The following RGS22 variants were observed in gnomAD, a reference collection of about 807,000 sequenced individuals.
RGS22 encodes the protein regulator of G protein signaling 22, also known as regulator of G-protein signaling 22.
In RGS22, 148 loss-of-function variants were observed where a neutral mutation model predicts 172.9. The observed-to-expected ratio is 0.86, with a 90% confidence interval of 0.75 to 0.98. The LOEUF (loss-of-function observed/expected upper bound fraction) is 0.98, where lower values mean the gene tolerates loss of function less well. Among genes scored for constraint, RGS22 ranks in the 50% least tolerant of loss-of-function variants. The pLI is 0.00. For missense variants in RGS22, 1,347 were observed against 1,440.8 expected (o/e 0.93, Z 1.05); for synonymous variants, 458 against 480.2 (o/e 0.95, Z 0.60).
In RGS22 at chr8:100,037,914, T is replaced by G. The variant is rs113523573; in HGVS notation, c.2166+1017A>C. On this transcript the variant is annotated intron_variant, in intron 14 of 27. Coordinates refer to ENST00000360863, the MANE Select transcript of RGS22 (RefSeq NM_015668.5). ...GCTATGTAGGGGCTGAAGCCCTTAA[T>G]CTCACAGTAAAAAGTACAAAGCTCT... 4.6e-5 allele frequency among the ~76,000 whole-genome samples: 7 copies of G among 152,262 alleles called. 1 individual carries two copies. The highest frequency in any genetic ancestry group is 1.7e-4 in the African/African-American group (7 of 41,560).
chr8:99,989,919 TAGAC>T (rs1257207603), intron 20 of RGS22, among the ~76,000 whole-genome samples: 24 of 151,846 alleles, frequency 1.6e-4, no homozygotes, highest in Admixed American at 1.1e-3. Flanking sequence ...GATAGATAGA[TAGAC>T]AGATAGACAG....
intron 9 of RGS22, among the ~76,000 whole-genome samples, chr8:100,061,069 A>AATTCCCTATT (rs1184954110): frequency 1.3e-5 from 2 of 152,160 alleles, no homozygotes; most frequent in Non-Finnish European, 2.9e-5. Flanking sequence ...ATGGGGAAAG[A>AATTCCCTATT]ATTCCCTATT....
intron 21 of RGS22, among the ~76,000 whole-genome samples, chr8:99,985,986 C>A (rs1267996450): frequency 3.3e-5 from 5 of 151,996 alleles, no homozygotes; most frequent in Non-Finnish European, 7.4e-5. Context: ...TTTAATATTG[C>A]TCATGTGAAA....
At position 99,960,960 on chromosome 8, in the gene RGS22, T is replaced by C. The variant is rs1387276978; in HGVS notation, c.*282A>G. The C allele has an allele frequency of 3.2e-5, 7 of 219,772 alleles. No homozygotes were observed. The highest frequency in any genetic ancestry group is 6.4e-5 in the Non-Finnish European group (7 of 108,744). The allele number at this position is 219,772 out of a possible 1,614,324, so 13.6% of individuals were successfully genotyped here. On this transcript the variant is annotated 3_prime_UTR_variant, in exon 28 of 28. Coordinates refer to ENST00000360863, the MANE Select transcript of RGS22 (RefSeq NM_015668.5). ...ATTTTGGTTCTTCAAACCTAGATAGTAGTTGTTTTATTCTAAATAAGTTAA... is the reference window on the plus strand; with the variant it reads ...ATTTTGGTTCTTCAAACCTAGATAGCAGTTGTTTTATTCTAAATAAGTTAA...
Position 100,020,525 on chromosome 8 carries a change from C to A in RGS22, c.2167-11956G>T, listed in dbSNP as rs146922981. 3.3e-3 allele frequency among the ~76,000 whole-genome samples: 507 copies of A among 152,248 alleles called. 8 individuals carry two copies. The highest frequency in any genetic ancestry group is 3.1e-3 in the East Asian group (16 of 5,166). On this transcript the variant is annotated intron_variant, in intron 14 of 27. Coordinates refer to ENST00000360863, the MANE Select transcript of RGS22 (RefSeq NM_015668.5). ...TTTTTTAAAGGTGAAGAGTCAGGATCTCCAGCTGTAACATTAGAGAAAAAA... is the reference window on the plus strand; with the variant it reads ...TTTTTTAAAGGTGAAGAGTCAGGATATCCAGCTGTAACATTAGAGAAAAAA...
chr8:100,051,181 G>A (rs1821238427), intron 10 of RGS22, among the ~76,000 whole-genome samples: 1 of 151,498 alleles, frequency 6.6e-6, no homozygotes, highest in Non-Finnish European at 1.5e-5. Flanking sequence ...CAAACAGCAA[G>A]CACAAAGCCC....
chr8:100,039,454 C>T (rs1482195740), intron 13 of RGS22, among the ~76,000 whole-genome samples: 6 of 151,502 alleles, frequency 4.0e-5, no homozygotes, highest in South Asian at 2.1e-4. Context: ...CTCGGCTCAC[C>T]GCAACCTCTG....
intron 20 of RGS22, among the ~76,000 whole-genome samples, chr8:99,992,761 CA>C (rs1192363375): frequency 2.0e-5 from 3 of 152,158 alleles, no homozygotes; most frequent in African/African-American, 7.2e-5. Context: ...CTGCAACAAG[CA>C]GACCTAATAG....
chr8:100,028,882 C>T (rs1818465433), intron 14 of RGS22, among the ~76,000 whole-genome samples: 1 of 152,160 alleles, frequency 6.6e-6, no homozygotes, highest in Non-Finnish European at 1.5e-5. Context: ...GTGGCTGCTT[C>T]TAATCAAGAG....
At chr8:100,023,192 G>A (rs1817806829) in intron 14 of RGS22, among the ~76,000 whole-genome samples, 1 of 152,164 alleles carries the variant, frequency 6.6e-6, no homozygotes, top group South Asian at 2.1e-4. Context: ...GTAGGTCTAT[G>A]TTTACCAGCA....
At chr8:100,033,813 C>T (rs1328832924) in intron 14 of RGS22, among the ~76,000 whole-genome samples, 1 of 152,130 alleles carries the variant, frequency 6.6e-6, no homozygotes, top group Non-Finnish European at 1.5e-5. Context: ...GTTCAACACA[C>T]ACAAATCAAT....
At chr8:100,049,218 T>C (rs1173035571) in intron 10 of RGS22, among the ~76,000 whole-genome samples, 1 of 152,154 alleles carries the variant, frequency 6.6e-6, no homozygotes, top group Non-Finnish European at 1.5e-5. Flanking sequence ...AGCATGAGTG[T>C]GATGGTGGAT....
At chr8:99,982,463 G>A (rs952000118) in intron 21 of RGS22, among the ~76,000 whole-genome samples, 2 of 152,178 alleles carry the variant, frequency 1.3e-5, no homozygotes, top group African/African-American at 2.4e-5. Flanking sequence ...TCAAGACACA[G>A]GCCCTACCCT....
At chr8:100,008,318 G>C in intron 15 of RGS22, 57 bp downstream of exon 15, 1 of 1,501,786 alleles carries the variant, frequency 6.7e-7, no homozygotes, top group Non-Finnish European at 9.1e-7. Context: ...GATAACAGGC[G>C]TCAGTATTGT....
intron 3 of RGS22, among the ~76,000 whole-genome samples, chr8:100,081,362 G>GTA (rs71274952): frequency 0.03 from 4,248 of 143,410 alleles, 165 homozygotes; most frequent in African/African-American, 0.086. Flanking sequence ...GTGCGTGTAT[G>GTA]TATATATATA....
chr8:99,999,468 A>G, intron 18 of RGS22, 48 bp from the exon 19 acceptor site: 3 of 1,589,932 alleles, frequency 1.9e-6, no homozygotes, highest in Non-Finnish European at 2.6e-6. Flanking sequence ...TTCTAAAAGA[A>G]ACACTAATAG....
chr8:100,103,640 G>GA (rs34143995), intron 2 of RGS22, among the ~76,000 whole-genome samples: 46,112 of 151,650 alleles, frequency 0.3, 8,702 homozygotes, highest in East Asian at 0.51. Flanking sequence ...GAAGTCCCAC[G>GA]AAACAGGGGT....
intron 22 of RGS22, among the ~76,000 whole-genome samples, chr8:99,978,874 G>A (rs1010050225): frequency 6.6e-6 from 1 of 152,102 alleles, no homozygotes; most frequent in Non-Finnish European, 1.5e-5. Context: ...ATCCCATTAG[G>A]CTCCAAGCCA....
At chr8:99,990,749 G>C (rs543499922) in intron 20 of RGS22, among the ~76,000 whole-genome samples, 2 of 152,324 alleles carry the variant, frequency 1.3e-5, no homozygotes, top group South Asian at 4.1e-4. Flanking sequence ...TCTGAAGAGA[G>C]CAGTGGTTCT....
Sources: allele counts gnomAD v4.1 joint callset (sites outside exome capture counted in the v4.1 genomes callset), GRCh38; gene constraint gnomAD v4.1.1; transcripts MANE v1.5; gene names NCBI Gene and HGNC (gene_info 2026-07-23, HGNC 2026-07-21).